Variants in SDR39U1 observed in about 807,000 individuals in gnomAD.
SDR39U1 encodes the protein epimerase family protein SDR39U1.
A neutral mutation model predicts 31.7 loss-of-function variants in SDR39U1; 29 were observed. The observed-to-expected ratio is 0.92, with a 90% CI of 0.68 to 1.25. SDR39U1 has a LOEUF of 1.25. Ranked by LOEUF, SDR39U1 falls within the 50% of genes most tolerant of loss-of-function variation. The pLI, the probability that SDR39U1 is intolerant of heterozygous loss-of-function variation, is 0.00. For missense variants in SDR39U1, 403 were observed against 378.4 expected (o/e 1.06, Z -0.54); for synonymous variants, 147 against 159.0 (o/e 0.92, Z 0.57).
Position 24,440,439 on chromosome 14 carries a change from G to C in SDR39U1, c.526C>G (p.Arg176Gly), listed in dbSNP as rs747743173. ...CCGATGGGGCCCCCCAGGCCCAGGC[G>C]AAAGGGCAGCAGCATGTGGCCCATG... ...GAMGHMLLPF[R>G]LGLGGPIGSG... Residue 176 changes from arginine to glycine, a missense_variant, in exon 6 of 6, where the codon CGC becomes GGC. By Grantham distance (125) the Arg-to-Gly change is moderately radical. Transcript: ENST00000399395. 1 of 1,611,854 alleles carries C rather than the reference G, an allele frequency of 6.2e-7. No individual in the cohort carries two copies. Among genetic ancestry groups the C allele is most frequent in the South Asian group, 1.1e-5 (1 of 90,694 alleles).
At chr14:24,441,818 A>G in intron 3 of SDR39U1, 23 bp from the exon 4 acceptor site, 1 of 1,600,542 alleles carries the variant, frequency 6.2e-7, no homozygotes, top group South Asian at 1.1e-5. Context: ...CATGGGAAAT[A>G]AAAAGCCACT....
At position 24,440,321 on chromosome 14, in the gene SDR39U1, A is replaced by G. The variant is rs763460897; in HGVS notation, c.644T>C (p.Leu215Pro). 9 of 1,614,046 alleles carry G rather than the reference A, an allele frequency of 5.6e-6. No homozygotes were observed. Among genetic ancestry groups the G allele is most frequent in the South Asian group, 1.1e-5 (1 of 91,086 alleles). ...GGCGGAGGATGGAGCCACTCCATTCAGGACCCCGTGCACGTGGTTTGCTTC... is the reference window on the plus strand; with the variant it reads ...GGCGGAGGATGGAGCCACTCCATTCGGGACCCCGTGCACGTGGTTTGCTTC... ...ALEANHVHGV[L>P]NGVAPSSATN... The change falls in exon 6 of 6, where the codon CTG becomes CCG. Residue 215 changes from leucine to proline, a missense_variant. Coordinates refer to ENST00000399395, the MANE Select transcript of SDR39U1 (RefSeq NM_020195.3).
chr14:24,441,142 G>C, intron 4 of SDR39U1: 1 of 662,290 alleles, frequency 1.5e-6, no homozygotes, highest in South Asian at 1.6e-5. Context: ...GAGGCTGCTA[G>C]AGTGTAGTGG....
At position 24,440,108 on chromosome 14, in the gene SDR39U1, G is replaced by A. The variant is rs757598016; in HGVS notation, c.857C>T (p.Ala286Val). Residue 286 changes from alanine (A) to valine (V), a missense_variant, in exon 6 of 6, where the codon GCT (alanine) becomes GTT (valine). Physicochemically the swap from Ala to Val is moderately conservative, Grantham distance 64. Transcript: ENST00000399395. ...TTAGGCTACAATTTCCTTTAAGGCA[G>A]CCCCTAGCTCTGGGAAGGAATACTG... is the stretch of plus-strand genomic sequence containing the variant. ...GYQYSFPELGAALKEIVA is the reference protein window; with the variant it reads ...GYQYSFPELGVALKEIVA 2.5e-6 allele frequency: 4 copies of A among 1,606,250 alleles called. No homozygotes were observed. The Admixed American group carries it at 6.7e-5, about 27-fold the overall frequency.
Position 24,440,235 on chromosome 14 carries a change from G to C in SDR39U1, c.730C>G (p.Leu244Val), listed in dbSNP as rs371901244. The C allele has an allele frequency of 2.0e-5, 33 of 1,613,934 alleles. No homozygotes were observed. In the African/African-American group the frequency reaches 3.7e-4, roughly 18 times the overall value. The change falls in exon 6 of 6, where the codon CTC becomes GTC. Residue 244 changes from leucine (L) to valine (V), a missense_variant. Transcript: ENST00000399395. The part of the protein sequence containing the change: ...AALGRRAFIP[L>V]PSAVVQAVFG... ...ACAGCTTGCACCACAGCGCTGGGGAGAGGGATGAAGGCTCGGCGGCCCAGG... is the reference window on the plus strand; with the variant it reads ...ACAGCTTGCACCACAGCGCTGGGGACAGGGATGAAGGCTCGGCGGCCCAGG...
chr14:24,442,550 G>C, intron 1 of SDR39U1, 98 bp from the exon 2 acceptor site: 1 of 1,293,206 alleles, frequency 7.7e-7, no homozygotes, highest in Non-Finnish European at 1.1e-6. Flanking sequence ...CATCCCATCT[G>C]ACACCAGGCT....
At chr14:24,441,557 C>T (rs1442728742) in intron 4 of SDR39U1, 117 bp downstream of exon 4, 6 of 817,398 alleles carry the variant, frequency 7.3e-6, no homozygotes, top group African/African-American at 1.7e-5. Context: ...GGATCAAGGG[C>T]CTAGGAAGTC....
intron 1 of SDR39U1, 73 bp downstream of exon 1, chr14:24,442,681 C>T (rs2043388366): frequency 2.1e-5 from 34 of 1,586,998 alleles, no homozygotes; most frequent in Non-Finnish European, 2.6e-6. Context: ...ACAGTGCCCT[C>T]CCGGAAGCGG....
rs199689306 is a variant in SDR39U1 at position 24,442,259 on chromosome 14, T to A, written c.125A>T (p.Asp42Val). 1 of 1,608,906 alleles carries A rather than the reference T, an allele frequency of 6.2e-7. No individual in the cohort carries two copies. Among genetic ancestry groups the A allele is most frequent in the Non-Finnish European group, 8.5e-7 (1 of 1,178,036 alleles). ...RKPGPGRITWDELAASGLPSC... is the reference protein window; with the variant it reads ...RKPGPGRITWVELAASGLPSC... ...CGGCAGCCCCGATGCAGCGAGCTCA[T>A]CCTGTCGGAGAAAGCACACAGTGCC... The change falls in exon 3 of 6, where the codon GAT becomes GTT. Residue 42 changes from aspartate to valine, a missense_variant and splice_region_variant. By Grantham distance (152) the Asp-to-Val change is radical. Transcript: ENST00000399395.
rs1297359055 is a variant in SDR39U1, at chr14:24,440,909, G to T, written c.346C>A (p.Leu116Met). The change falls in exon 5 of 6, where the codon CTG becomes ATG. Residue 116 changes from leucine to methionine, a missense_variant. Physicochemically the swap from Leu to Met is conservative, Grantham distance 15. Transcript: ENST00000399395. ...VTGVAYYQPS[L>M]TAEYDEDSPG... is the part of the protein sequence containing the mutation. The stretch of plus-strand genomic sequence containing the variant: ...CTGTCTTCATCATACTCCGCAGTCA[G>T]ACTGGGCTGGTAGTAAGCTGCCGGT... 2 of 1,613,936 alleles carry T rather than the reference G, an allele frequency of 1.2e-6. No homozygotes were observed. The highest frequency in any genetic ancestry group is 1.7e-6 in the Non-Finnish European group (2 of 1,179,910).
At position 24,440,792 on chromosome 14, in the gene SDR39U1, C is replaced by T; in HGVS notation, c.463G>A (p.Val155Met). Reference protein sequence around the residue: ...LPGDSTRQVVVRSGVVLGRGG... With the variant: ...LPGDSTRQVVMRSGVVLGRGG... ...CAGGCCCGTTTCTCACCTGAGCGCA[C>T]CACCACCTGGCGTGTAGAATCTCCA... is the stretch of plus-strand genomic sequence containing the variant. The change falls in exon 5 of 6, where the codon GTG (valine) becomes ATG (methionine). Residue 155 changes from valine to methionine, a missense_variant. By Grantham distance (21) the Val-to-Met change is conservative. Coordinates refer to ENST00000399395, the MANE Select transcript of SDR39U1 (RefSeq NM_020195.3). The T allele has an allele frequency of 6.2e-7, 1 of 1,613,966 alleles. No individual in the cohort carries two copies. Among genetic ancestry groups the T allele is most frequent in the Non-Finnish European group, 8.5e-7 (1 of 1,179,848 alleles).
rs542953228 is a variant in SDR39U1, at chr14:24,440,625, G to T, written c.473-133C>A. 4 of 1,358,396 alleles carry T rather than the reference G, an allele frequency of 2.9e-6. No individual in the cohort carries two copies. In the African/African-American group the frequency reaches 4.4e-5, roughly 15 times the overall value. The allele number at this position is 1,358,396 out of a possible 1,614,324, so 84.1% of individuals were successfully genotyped here. A position where few individuals can be genotyped will look rare whatever the true frequency, so the allele number is the denominator to read the frequency against. ...CTCTGTAACAGAAGTGAGCAGTATGGCTGTCTTTAAGACCTCACACCTTCT... is the reference window on the plus strand; with the variant it reads ...CTCTGTAACAGAAGTGAGCAGTATGTCTGTCTTTAAGACCTCACACCTTCT... On this transcript the variant is annotated intron_variant, in intron 5 of 5. Coordinates refer to ENST00000399395, the MANE Select transcript of SDR39U1 (RefSeq NM_020195.3).
At chr14:24,441,982 C>A in intron 3 of SDR39U1, 187 bp from the exon 4 acceptor site, 3 of 1,370,332 alleles carry the variant, frequency 2.2e-6, no homozygotes, top group Non-Finnish European at 3.0e-6. Flanking sequence ...CTGAGTTATA[C>A]GTGAGGACTT....
Position 24,442,382 on chromosome 14 carries a change from C to A in SDR39U1, c.87G>T (p.Leu29Phe), listed in dbSNP as rs2043375633. Residue 29 changes from leucine to phenylalanine, a missense_variant, in exon 2 of 6, where the codon TTG becomes TTT. Leu to Phe is a conservative substitution (Grantham distance 22). Coordinates refer to ENST00000399395, the MANE Select transcript of SDR39U1 (RefSeq NM_020195.3). ...GGCCGGGCCCGGGCTTTCGGGAGAC[C>A]AACGTCACTTCGTGGCCTCTGGCAT... is the stretch of plus-strand genomic sequence containing the variant. ...LLNARGHEVT[L>F]VSRKPGPGRI... 4 of 1,611,848 alleles carry A rather than the reference C, an allele frequency of 2.5e-6. No individual in the cohort carries two copies. The highest frequency in any genetic ancestry group is 1.3e-5 in the African/African-American group (1 of 74,882).
chr14:24,442,802 T>TTA (rs747605022), upstream of SDR39U1: 2 of 1,611,708 alleles, frequency 1.2e-6, no homozygotes, highest in African/African-American at 1.3e-5. Context: ...TGCGTAAAGT[T>TTA]TAGAGTTTAC....
Position 24,440,077 on chromosome 14 carries a change from A to G in SDR39U1, c.*6T>C. ...GAACAGGCCTCAGGCCCTTGCCACG[A>G]CCTACTTAGGCTACAATTTCCTTTA... On this transcript the variant is annotated 3_prime_UTR_variant, in exon 6 of 6. Coordinates refer to ENST00000399395, the MANE Select transcript of SDR39U1 (RefSeq NM_020195.3). 1 of 1,585,584 alleles carries G rather than the reference A, an allele frequency of 6.3e-7. No individual in the cohort carries two copies. Among genetic ancestry groups the G allele is most frequent in the Non-Finnish European group, 8.6e-7 (1 of 1,161,598 alleles).
rs770600888 is a variant in SDR39U1 at position 24,441,741 on chromosome 14, T to C, written c.261A>G (p.Gln87=). The C allele has an allele frequency of 6.2e-7, 1 of 1,602,322 alleles. No individual in the cohort carries two copies. The highest frequency in any genetic ancestry group is 1.3e-5 in the African/African-American group (1 of 74,112). Residue 87 remains glutamine, a synonymous_variant, in exon 4 of 6, where the codon CAA becomes CAG. Coordinates refer to ENST00000399395, the MANE Select transcript of SDR39U1 (RefSeq NM_020195.3). The part of the protein sequence containing the change: ...EVIGSRLETT[Q]LLAKAITKAP... ...CTTTGGTGATGGCTTTAGCCAGCAATTGGGTGGTCTCTAGGCGGCTGCCGA... is the reference window on the plus strand; with the variant it reads ...CTTTGGTGATGGCTTTAGCCAGCAACTGGGTGGTCTCTAGGCGGCTGCCGA...
In SDR39U1 at chr14:24,442,444, T is replaced by C. The variant is rs779156434; in HGVS notation, c.25A>G (p.Thr9Ala). MRVLVGGGTGFIGTALTQL... is the reference protein window; with the variant it reads MRVLVGGGAGFIGTALTQL... ...GTTAGGGCTGTCCCAATGAAGCCTG[T>C]CCCGCCACCTGATCGGAAAATACAA... The change falls in exon 2 of 6, where the codon ACA (threonine) becomes GCA (alanine). Residue 9 changes from threonine to alanine, a missense_variant. Thr to Ala is a moderately conservative substitution (Grantham distance 58, BLOSUM62 0). Coordinates refer to ENST00000399395, the MANE Select transcript of SDR39U1 (RefSeq NM_020195.3). 1 of 1,605,046 alleles carries C rather than the reference T, an allele frequency of 6.2e-7. No homozygotes were observed. The highest frequency in any genetic ancestry group is 1.7e-5 in the Admixed American group (1 of 58,636).
Position 24,441,812 on chromosome 14 carries a change from G to T in SDR39U1, c.207-17C>A, listed in dbSNP as rs1417059720. On this transcript the variant is annotated splice_polypyrimidine_tract_variant and intron_variant, in intron 3 of 5. Coordinates refer to ENST00000399395, the MANE Select transcript of SDR39U1 (RefSeq NM_020195.3). ...TCATTCCATCTGCAGGAGAAACATG[G>T]GAAATAAAAAGCCACTAAATACATA... 1 of 1,602,540 alleles carries T rather than the reference G, an allele frequency of 6.2e-7. No individual in the cohort carries two copies. The highest frequency in any genetic ancestry group is 8.5e-7 in the Non-Finnish European group (1 of 1,175,320).
Sources: gnomAD v4.1 joint callset for allele counts on GRCh38, gnomAD v4.1.1 for gene constraint, MANE v1.5 for transcripts, NCBI Gene and HGNC (gene_info 2026-07-23, HGNC 2026-07-21) for gene names.